Variants in PRKG1 observed in about 807,000 individuals in gnomAD.
PRKG1 encodes the protein cGMP-dependent protein kinase 1.
Under a neutral mutation model 88.1 loss-of-function variants are expected in PRKG1, and 35 were observed. The ratio of observed to expected loss-of-function variants is 0.40; its 90% CI spans 0.30 to 0.53. The LOEUF is 0.53. Ranked by LOEUF, PRKG1 falls within the 20% of genes least tolerant of loss-of-function variation. PRKG1 has a pLI of 0.59. For missense variants in PRKG1, 540 were observed against 839.8 expected (o/e 0.64, Z 4.41); for synonymous variants, 303 against 292.5 (o/e 1.04, Z -0.37).
chr10:51,266,793 A>G (rs111477776), intron 2 of PRKG1, among the ~76,000 whole-genome samples: 1 of 152,244 alleles, frequency 6.6e-6, no homozygotes, highest in Admixed American at 6.5e-5. Context: ...TCTTATTTCA[A>G]TTCACAAGGA....
intron 2 of PRKG1, among the ~76,000 whole-genome samples, chr10:51,224,261 A>G (rs116677545): frequency 0.018 from 2,790 of 152,278 alleles, 73 homozygotes; most frequent in African/African-American, 0.062. Context: ...TATCATCAGC[A>G]TCATCATTAG....
chr10:51,762,987 C>T (rs1838060139), intron 3 of PRKG1, among the ~76,000 whole-genome samples: 4 of 152,174 alleles, frequency 2.6e-5, no homozygotes, highest in Admixed American at 2.0e-4. Flanking sequence ...CTGTCAATGA[C>T]TAGCTATTTT....
intron 7 of PRKG1, among the ~76,000 whole-genome samples, chr10:52,077,599 T>C (rs1846663009): frequency 6.6e-6 from 1 of 152,240 alleles, no homozygotes; most frequent in South Asian, 2.1e-4. Flanking sequence ...GCTTATTTAA[T>C]GTCAATTATA....
rs557292076 is a variant in PRKG1, at chr10:51,529,398, C to T, written c.592+61562C>T. ...TTCATTGCTTGAAGCTCTTCAGTGA[C>T]TTATCATCAGGCTCATATGGAAATA... is the stretch of plus-strand genomic sequence containing the variant. On this transcript the variant is annotated intron_variant, in intron 3 of 17. Transcript: ENST00000373980. 7.8e-4 allele frequency among the ~76,000 whole-genome samples: 118 copies of T among 152,250 alleles called. 1 individual carries two copies. Among genetic ancestry groups the T allele is most frequent in the African/African-American group, 2.7e-3 (114 of 41,560 alleles).
chr10:51,188,859 C>T (rs1193688781), intron 2 of PRKG1, among the ~76,000 whole-genome samples: 2 of 151,818 alleles, frequency 1.3e-5, no homozygotes, highest in African/African-American at 4.8e-5. Flanking sequence ...TCAGAATCTC[C>T]AAAAGAACTG....
At chr10:52,204,073 G>GTTATTATTATTATTA (rs140296072) in intron 9 of PRKG1, among the ~76,000 whole-genome samples, 1 of 75,318 alleles carries the variant, frequency 1.3e-5, no homozygotes, top group African/African-American at 3.4e-5. Context: ...TTGTTCGCTG[G>GTTATTATTATTATTA]TTATTATTAT....
At chr10:51,265,999 T>C (rs764170725) in intron 2 of PRKG1, among the ~76,000 whole-genome samples, 10 of 152,322 alleles carry the variant, frequency 6.6e-5, no homozygotes, top group African/African-American at 2.2e-4. Context: ...ATACAAGTTT[T>C]TGGGACCCCT....
chr10:51,982,470 T>C (rs988768964), intron 5 of PRKG1, among the ~76,000 whole-genome samples: 30 of 152,200 alleles, frequency 2.0e-4, no homozygotes, highest in African/African-American at 5.5e-4. Context: ...TTGAAGTCGC[T>C]GACGTTTTGA....
At chr10:52,123,360 T>C (rs1368196359) in intron 7 of PRKG1, among the ~76,000 whole-genome samples, 1 of 152,164 alleles carries the variant, frequency 6.6e-6, no homozygotes, top group Non-Finnish European at 1.5e-5. Flanking sequence ...AGTTGGTTTT[T>C]GGACAGCACT....
intron 3 of PRKG1, chr10:51,698,396 A>G (rs1266518918): frequency 6.2e-7 from 1 of 1,613,992 alleles, no homozygotes; most frequent in Non-Finnish European, 8.5e-7. Context: ...GGGATCTCCT[A>G]ATGGCCCTCC....
intron 2 of PRKG1, among the ~76,000 whole-genome samples, chr10:51,362,040 T>C (rs1267443217): frequency 6.6e-6 from 1 of 151,916 alleles, no homozygotes; most frequent in Non-Finnish European, 1.5e-5. Flanking sequence ...GAAATAAAAA[T>C]TAAGTATAAG....
At chr10:51,399,329 G>C (rs989826260) in intron 2 of PRKG1, among the ~76,000 whole-genome samples, 2 of 152,080 alleles carry the variant, frequency 1.3e-5, no homozygotes, top group Non-Finnish European at 2.9e-5. Context: ...TATTGGTTCT[G>C]TTTCTCCGGA....
intron 4 of PRKG1, among the ~76,000 whole-genome samples, chr10:51,861,845 G>T (rs1055823067): frequency 3.9e-5 from 6 of 152,190 alleles, no homozygotes; most frequent in Non-Finnish European, 7.3e-5. Context: ...CATGGCAGGT[G>T]GTGCCTCTGC....
intron 9 of PRKG1, among the ~76,000 whole-genome samples, chr10:52,241,778 C>G (rs1283905718): frequency 6.6e-6 from 1 of 152,094 alleles, no homozygotes; most frequent in Non-Finnish European, 1.5e-5. Context: ...ACTTTCTGTT[C>G]CCAGTTCAAT....
At chr10:51,985,835 C>A (rs1844141724) in intron 5 of PRKG1, among the ~76,000 whole-genome samples, 2 of 152,100 alleles carry the variant, frequency 1.3e-5, no homozygotes, top group Admixed American at 6.5e-5. Flanking sequence ...GATGTTCCTC[C>A]ATTTACAATG....
chr10:51,157,997 T>C (rs1383068445), intron 2 of PRKG1, among the ~76,000 whole-genome samples: 1 of 151,886 alleles, frequency 6.6e-6, no homozygotes, highest in African/African-American at 2.4e-5. Context: ...TCAAACATTT[T>C]TCATTTTCTT....
chr10:51,434,844 G>A (rs1838873166), intron 2 of PRKG1, among the ~76,000 whole-genome samples: 1 of 152,068 alleles, frequency 6.6e-6, no homozygotes. Flanking sequence ...TGTGTGAGCA[G>A]ACTAAGAATG....
intron 3 of PRKG1, among the ~76,000 whole-genome samples, chr10:51,651,221 A>G (rs867570228): frequency 1.5e-4 from 23 of 152,184 alleles, no homozygotes; most frequent in Admixed American, 2.6e-4. Context: ...CTCAGGCATG[A>G]TATTCAAAGG....
At chr10:52,271,691 G>C (rs148717580) in intron 11 of PRKG1, among the ~76,000 whole-genome samples, 1 of 152,208 alleles carries the variant, frequency 6.6e-6, no homozygotes, top group African/African-American at 2.4e-5. Flanking sequence ...ATTAGTGTCT[G>C]AAAACAATGT....
Sources: allele counts gnomAD v4.1 joint callset (sites outside exome capture counted in the v4.1 genomes callset), GRCh38; gene constraint gnomAD v4.1.1; transcripts MANE v1.5; gene names NCBI Gene and HGNC (gene_info 2026-07-23, HGNC 2026-07-21).